The following CAV3 variants were observed in gnomAD, a reference collection of about 807,000 sequenced individuals.
CAV3 encodes the protein caveolin 3.
Under a neutral mutation model 13.4 loss-of-function variants are expected in CAV3, and 10 were observed. That is an observed-to-expected ratio of 0.75 (90% CI 0.46 to 1.27). CAV3 has a LOEUF of 1.27. Among genes scored for constraint, CAV3 ranks in the 50% most tolerant of loss-of-function variants. The pLI is 0.00. For synonymous variants in CAV3, 90 were observed against 79.0 expected (o/e 1.14, Z -0.74); for missense variants, 162 against 194.0 (o/e 0.83, Z 0.98).
At chr3:8,742,388 A>AAGG (rs1202649670) in intron 1 of CAV3, 1 of 366,812 alleles carries the variant, frequency 2.7e-6, no homozygotes, top group Admixed American at 3.8e-5. Flanking sequence ...GAAGAAGAAG[A>AAGG]AGAAAGATAA....
intron 1 of CAV3, among the ~76,000 whole-genome samples, chr3:8,744,072 C>T (rs1179987676): frequency 1.3e-5 from 2 of 152,130 alleles, no homozygotes; most frequent in Non-Finnish European, 2.9e-5. Context: ...TCCTGTTGAT[C>T]TGATTAGTCT....
In CAV3 at chr3:8,745,781, T is replaced by A; in HGVS notation, c.370T>A (p.Cys124Ser). The stretch of plus-strand genomic sequence containing the variant: ...GTGCATCAGCCACATCTACTCACTC[T>A]GCATCCGCACCTTCTGCAACCCACT... ...IQCISHIYSL[C>S]IRTFCNPLFA... Residue 124 changes from cysteine (C) to serine (S), a missense_variant, in exon 2 of 2, where the codon TGC becomes AGC. Physicochemically the swap from Cys to Ser is moderately radical, Grantham distance 112. Transcript: ENST00000343849. The surrounding 1 kb of genome is among the most constrained non-coding windows in gnomAD (Gnocchi z 4.8). 1 of 1,614,090 alleles carries A rather than the reference T, an allele frequency of 6.2e-7. No individual in the cohort carries two copies. The highest frequency in any genetic ancestry group is 1.3e-5 in the African/African-American group (1 of 75,058).
At position 8,746,040 on chromosome 3, in the gene CAV3, G is replaced by A. The variant is rs1708151616; in HGVS notation, c.*173G>A. ...AGAAAGAAAAGACGGCCCAGCCACA[G>A]AAGCACAATGGCCCTTCGCTCTCCC... On this transcript the variant is annotated 3_prime_UTR_variant, in exon 2 of 2. Transcript: ENST00000343849. 1 of 599,212 alleles carries A rather than the reference G, an allele frequency of 1.7e-6. No homozygotes were observed. The highest frequency in any genetic ancestry group is 2.1e-5 in the South Asian group (1 of 48,102). The allele number at this position is 599,212 out of a possible 1,614,324, so 37.1% of individuals were successfully genotyped here. A position where few individuals can be genotyped will look rare whatever the true frequency, so the allele number is the denominator to read the frequency against.
At chr3:8,736,698 G>A (rs555292991) in intron 1 of CAV3, among the ~76,000 whole-genome samples, 11 of 152,336 alleles carry the variant, frequency 7.2e-5, no homozygotes, top group South Asian at 2.1e-4. Flanking sequence ...GCGGCTTTAC[G>A]CAGCCCTCCT....
chr3:8,746,459 G>C lies in CAV3; in HGVS notation c.*592G>C, dbSNP rs187370461. On this transcript the variant is annotated 3_prime_UTR_variant, in exon 2 of 2. Coordinates refer to ENST00000343849, the MANE Select transcript of CAV3 (RefSeq NM_033337.3). ...TCGGATTCTATTGTTTGCTGGAACC[G>C]TACACGTTCCTTGGAAGATCATGTT... 6.5e-6 allele frequency: 1 copy of C among 152,784 alleles called. No individual in the cohort carries two copies. The allele number at this position is 152,784 out of a possible 1,614,324, so 9.5% of individuals were successfully genotyped here.
chr3:8,742,540 G>A (rs1240526836), intron 1 of CAV3: 1 of 454,468 alleles, frequency 2.2e-6, no homozygotes, highest in Non-Finnish European at 4.4e-6. Context: ...TAAGTAGGCT[G>A]GAGAATAATC....
rs572664218 is a variant in CAV3 at position 8,744,683 on chromosome 3, T to C, written c.115-843T>C. 2.8e-4 allele frequency among the ~76,000 whole-genome samples: 42 copies of C among 152,256 alleles called. 2 individuals carry two copies. The South Asian group carries it at 8.7e-3, about 32-fold the overall frequency. On this transcript the variant is annotated intron_variant, in intron 1 of 1. Coordinates refer to ENST00000343849, the MANE Select transcript of CAV3 (RefSeq NM_033337.3). ...GGCTCGAGAGAGCTTAGGTAAGCGATGTGAGGAACCTCTGCCTGTTCACCA... is the reference window on the plus strand; with the variant it reads ...GGCTCGAGAGAGCTTAGGTAAGCGACGTGAGGAACCTCTGCCTGTTCACCA...
chr3:8,737,544 T>C (rs1212287223), intron 1 of CAV3, among the ~76,000 whole-genome samples: 1 of 152,108 alleles, frequency 6.6e-6, no homozygotes, highest in African/African-American at 2.4e-5. Context: ...TCCAACAGAC[T>C]TCAGCTGTGG....
rs779911803 is a variant in CAV3, at chr3:8,734,001, C to T, written c.114+11C>T. ...GAGGACATAGTCAAGGTAGGCTCTG[C>T]AGGCCTGCCTCGGCGGGCGGAGAGT... On this transcript the variant is annotated intron_variant, in intron 1 of 1. Transcript: ENST00000343849. 7 of 1,507,758 alleles carry T rather than the reference C, an allele frequency of 4.6e-6. No homozygotes were observed. The highest frequency in any genetic ancestry group is 1.7e-4 in the Middle Eastern group (1 of 5,884). The allele number at this position is 1,507,758 out of a possible 1,614,324, so 93.4% of individuals were successfully genotyped here.
intron 1 of CAV3, chr3:8,744,841 G>C (rs1003969143): frequency 2.6e-5 from 4 of 152,510 alleles, no homozygotes; most frequent in Non-Finnish European, 5.9e-5. Context: ...CTTTAAGCAA[G>C]TCGCTCACCT....
intron 1 of CAV3, among the ~76,000 whole-genome samples, chr3:8,739,946 T>A (rs1162077176): frequency 3.9e-5 from 6 of 152,084 alleles, no homozygotes; most frequent in Non-Finnish European, 8.8e-5. Flanking sequence ...AGCTAGAACA[T>A]CCAAGATGGT....
intron 1 of CAV3, among the ~76,000 whole-genome samples, chr3:8,743,283 A>G (rs543012479): frequency 1.3e-5 from 2 of 152,258 alleles, no homozygotes; most frequent in South Asian, 2.1e-4. Flanking sequence ...TGAAAGAAAA[A>G]TGATCTCAGT....
intron 1 of CAV3, among the ~76,000 whole-genome samples, chr3:8,740,673 C>T (rs1361204394): frequency 1.3e-5 from 2 of 152,130 alleles, no homozygotes; most frequent in Non-Finnish European, 2.9e-5. Flanking sequence ...TTAAGGTAGA[C>T]CTGGAGCTGA....
Position 8,745,925 on chromosome 3 carries a change from G to T in CAV3, c.*58G>T, listed in dbSNP as rs1272904069. ...GGGGTGGTGGGCCAGACTGGTCCCC[G>T]GGGGACTTCTTCACAGGGGCTGCTG... On this transcript the variant is annotated 3_prime_UTR_variant, in exon 2 of 2. Transcript: ENST00000343849. This position sits in a 1 kb window ranked among gnomAD's most constrained non-coding sequence, Gnocchi z 4.8. 1.1e-5 allele frequency: 16 copies of T among 1,425,302 alleles called. No individual in the cohort carries two copies. The highest frequency in any genetic ancestry group is 1.4e-5 in the Non-Finnish European group (14 of 1,030,066). The allele number at this position is 1,425,302 out of a possible 1,614,324, so 88.3% of individuals were successfully genotyped here. A position where few individuals can be genotyped will look rare whatever the true frequency, so the allele number is the denominator to read the frequency against.
rs1708120787 is a variant in CAV3, at chr3:8,745,404, AG to A, written c.115-119del. The A allele has an allele frequency of 4.1e-6, 3 of 727,764 alleles. No individual in the cohort carries two copies. Among genetic ancestry groups the A allele is most frequent in the Non-Finnish European group, 7.4e-6 (3 of 405,110 alleles). The allele number at this position is 727,764 out of a possible 1,614,324, so 45.1% of individuals were successfully genotyped here. ...AATGCAAGAATAGCCTAATACAGGT[AG>A]GGTCCAGCCACCAAGGTTAACCTGA... On this transcript the variant is annotated intron_variant, in intron 1 of 1. Transcript: ENST00000343849. This position sits in a 1 kb window ranked among gnomAD's most constrained non-coding sequence, Gnocchi z 4.8.
intron 1 of CAV3, among the ~76,000 whole-genome samples, chr3:8,740,605 C>A (rs1377190798): frequency 1.3e-5 from 2 of 152,172 alleles, no homozygotes; most frequent in African/African-American, 4.8e-5. Flanking sequence ...AGTCTCTTCC[C>A]AGCTCCTTTA....
At position 8,737,702 on chromosome 3, in the gene CAV3, A is replaced by T. The variant is rs112351244; in HGVS notation, c.114+3712A>T. 5.9e-4 allele frequency among the ~76,000 whole-genome samples: 90 copies of T among 152,274 alleles called. 1 individual carries two copies. The highest frequency in any genetic ancestry group is 3.9e-4 in the Admixed American group (6 of 15,306). ...ACAAATCGCAACTGAATGCCTGTTC[A>T]GCACAGGCAATGTGCTGTCCCAGAG... is the stretch of plus-strand genomic sequence containing the variant. On this transcript the variant is annotated intron_variant, in intron 1 of 1. Coordinates refer to ENST00000343849, the MANE Select transcript of CAV3 (RefSeq NM_033337.3).
At chr3:8,742,559 C>T (rs919229550) in intron 1 of CAV3, 6 of 451,632 alleles carry the variant, frequency 1.3e-5, no homozygotes, top group Non-Finnish European at 2.7e-5. Flanking sequence ...TCCGGGATGT[C>T]AAAAGAATTT....
chr3:8,745,367 T>C lies in CAV3; in HGVS notation c.115-159T>C, dbSNP rs1229472963. On this transcript the variant is annotated intron_variant, in intron 1 of 1. Transcript: ENST00000343849. This position sits in a 1 kb window ranked among gnomAD's most constrained non-coding sequence, Gnocchi z 4.8. ...TTTATCAATTACCCAGCCTCAGGTA[T>C]GTCTTTAAAGCAATGCAAGAATAGC... Among the ~76,000 whole-genome samples, 1 of 152,200 alleles carries C rather than the reference T, an allele frequency of 6.6e-6. No homozygotes were observed. Among genetic ancestry groups the C allele is most frequent in the Non-Finnish European group, 1.5e-5 (1 of 68,034 alleles).
Sources: allele counts gnomAD v4.1 joint callset (sites outside exome capture counted in the v4.1 genomes callset), GRCh38; gene constraint gnomAD v4.1.1; non-coding constraint Gnocchi (gnomAD v3.1); transcripts MANE v1.5; gene names NCBI Gene and HGNC (gene_info 2026-07-23, HGNC 2026-07-21).